Variants in FAM117B observed in about 807,000 individuals in gnomAD.
FAM117B encodes protein FAM117B.
A neutral mutation model predicts 52.8 loss-of-function variants in FAM117B; 22 were observed. The observed-to-expected ratio is 0.42, with a 90% CI of 0.30 to 0.59. The LOEUF (loss-of-function observed/expected upper bound fraction) is 0.59, where lower values mean the gene tolerates loss of function less well. Among genes scored for constraint, FAM117B ranks in the 20% least tolerant of loss-of-function variants. The probability of loss-of-function intolerance (pLI) is 0.22; values close to 1 mark genes in which losing one functional copy is unlikely to be tolerated. For synonymous variants in FAM117B, 309 were observed against 324.1 expected (o/e 0.95, Z 0.50); for missense variants, 678 against 802.6 (o/e 0.84, Z 1.88).
intron 7 of FAM117B, 131 bp downstream of exon 7, chr2:202,759,484 T>G (rs1691850678): frequency 1.7e-6 from 2 of 1,170,158 alleles, no homozygotes; most frequent in Admixed American, 3.0e-5. Context: ...CTCTACCTCC[T>G]TAGCTCAAGT....
At chr2:202,748,164 A>G (rs1047307029) in intron 4 of FAM117B, among the ~76,000 whole-genome samples, 1 of 152,204 alleles carries the variant, frequency 6.6e-6, no homozygotes, top group Admixed American at 6.5e-5. Flanking sequence ...TTTTCACAGA[A>G]GTGCTAAGAA....
intron 2 of FAM117B, among the ~76,000 whole-genome samples, chr2:202,722,487 A>G (rs1338747504): frequency 1.3e-5 from 2 of 152,234 alleles, no homozygotes; most frequent in Admixed American, 6.5e-5. Context: ...ACTACTGTGC[A>G]GCCATAAAAA....
At chr2:202,706,582 C>T (rs895327313) in intron 2 of FAM117B, among the ~76,000 whole-genome samples, 2 of 152,130 alleles carry the variant, frequency 1.3e-5, no homozygotes, top group African/African-American at 4.8e-5. Flanking sequence ...TATAAATCTA[C>T]AAACTTGTTT....
intron 1 of FAM117B, among the ~76,000 whole-genome samples, chr2:202,684,017 C>G (rs1443908662): frequency 6.6e-6 from 1 of 152,096 alleles, no homozygotes; most frequent in Non-Finnish European, 1.5e-5. Context: ...CAGGCACACG[C>G]TACCACACCT....
intron 4 of FAM117B, among the ~76,000 whole-genome samples, chr2:202,735,373 T>C (rs1691423496): frequency 6.6e-6 from 1 of 152,192 alleles, no homozygotes; most frequent in Non-Finnish European, 1.5e-5. Context: ...ATTAATCTCT[T>C]AACATTGAAG....
intron 1 of FAM117B, among the ~76,000 whole-genome samples, chr2:202,640,482 A>G (rs999197783): frequency 2.0e-5 from 3 of 151,404 alleles, no homozygotes; most frequent in African/African-American, 7.3e-5. Context: ...CAGAATCAAG[A>G]AGCAAGATAA....
At chr2:202,679,861 GA>G (rs1167903331) in intron 1 of FAM117B, among the ~76,000 whole-genome samples, 1 of 152,030 alleles carries the variant, frequency 6.6e-6, no homozygotes, top group Non-Finnish European at 1.5e-5. Context: ...AAACTATAAT[GA>G]GAAAACTAAA....
At chr2:202,740,264 G>T (rs1257016423) in intron 4 of FAM117B, among the ~76,000 whole-genome samples, 2 of 145,988 alleles carry the variant, frequency 1.4e-5, no homozygotes, top group African/African-American at 5.1e-5. Context: ...GGAGGGTGAG[G>T]CATGAGAATC....
intron 1 of FAM117B, among the ~76,000 whole-genome samples, chr2:202,690,725 A>T (rs1690608092): frequency 6.6e-6 from 1 of 152,082 alleles, no homozygotes; most frequent in Non-Finnish European, 1.5e-5. Context: ...GTGCAGGCAA[A>T]AAAGTGAGGC....
At position 202,672,258 on chromosome 2, in the gene FAM117B, G is replaced by A. The variant is rs111372869; in HGVS notation, c.602-23623G>A. 4.6e-3 allele frequency among the ~76,000 whole-genome samples: 707 copies of A among 152,270 alleles called. 6 individuals are homozygous for A. The highest frequency in any genetic ancestry group is 0.016 in the African/African-American group (682 of 41,546). ...GAAGGAGTCTTGCTCTGTCGCCCAG[G>A]CTGGAGTGCAGTGGCACGATCCCGG... On this transcript the variant is annotated intron_variant, in intron 1 of 7. Transcript: ENST00000392238.
chr2:202,730,529 G>T (rs1691324774), intron 4 of FAM117B, among the ~76,000 whole-genome samples: 2 of 152,082 alleles, frequency 1.3e-5, no homozygotes, highest in African/African-American at 4.8e-5. Context: ...AATAAGCTAG[G>T]CGTGGTGCCG....
At chr2:202,757,530 C>T in intron 6 of FAM117B, 92 bp downstream of exon 6, 2 of 1,276,360 alleles carry the variant, frequency 1.6e-6, no homozygotes, top group South Asian at 1.4e-5. Flanking sequence ...AACACACACA[C>T]TCGAGGCTAC....
chr2:202,768,522 A>C lies in FAM117B; in HGVS notation c.*2758A>C, dbSNP rs17807135. ...TCTAACTGCCAGTGCCAAAGGGCTAATTTTTAAGCATGTAAGCTTTACCAC... is the reference window on the plus strand; with the variant it reads ...TCTAACTGCCAGTGCCAAAGGGCTACTTTTTAAGCATGTAAGCTTTACCAC... On this transcript the variant is annotated 3_prime_UTR_variant, in exon 8 of 8. Transcript: ENST00000392238. The C allele has an allele frequency of 0.065, 9,911 of 152,682 alleles. 457 individuals are homozygous for C. Among genetic ancestry groups the C allele is most frequent in the Middle Eastern group, 0.16 (48 of 294 alleles). 9.5% of individuals were successfully genotyped at this position (152,682 alleles called of 1,614,324 possible). A position where few individuals can be genotyped will look rare whatever the true frequency, so the allele number is the denominator to read the frequency against.
chr2:202,766,079 CA>C lies in FAM117B; in HGVS notation c.*316del, dbSNP rs1691974367. The C allele has an allele frequency of 1.3e-5, 3 of 228,766 alleles. No homozygotes were observed. Among genetic ancestry groups the C allele is most frequent in the East Asian group, 1.0e-4 (1 of 9,752 alleles). The allele number at this position is 228,766 out of a possible 1,614,324, so 14.2% of individuals were successfully genotyped here. Reference sequence around the variant, plus strand: ...TCTTTAAAACACACACACACACACACACACACACACACACACACACACACAC... The same window carrying C: ...TCTTTAAAACACACACACACACACACCACACACACACACACACACACACAC... On this transcript the variant is annotated 3_prime_UTR_variant, in exon 8 of 8. Transcript: ENST00000392238.
intron 1 of FAM117B, among the ~76,000 whole-genome samples, chr2:202,677,536 A>G (rs1690398157): frequency 6.6e-6 from 1 of 152,150 alleles, no homozygotes; most frequent in Non-Finnish European, 1.5e-5. Flanking sequence ...ATTTCTCGCT[A>G]GGCTATGAAT....
intron 1 of FAM117B, among the ~76,000 whole-genome samples, chr2:202,642,808 A>G (rs1689791222): frequency 6.6e-6 from 1 of 152,232 alleles, no homozygotes; most frequent in African/African-American, 2.4e-5. Context: ...TAGGGTGGAT[A>G]AAATGATAGG....
chr2:202,709,064 C>T (rs1177537807), intron 2 of FAM117B, among the ~76,000 whole-genome samples: 1 of 152,184 alleles, frequency 6.6e-6, no homozygotes, highest in Non-Finnish European at 1.5e-5. Context: ...GATGATACTT[C>T]ATTGTAGTTC....
At chr2:202,661,039 C>T (rs1297437669) in intron 1 of FAM117B, among the ~76,000 whole-genome samples, 2 of 152,222 alleles carry the variant, frequency 1.3e-5, no homozygotes, top group East Asian at 1.9e-4. Flanking sequence ...CCTGCCCACT[C>T]CTACTGTGCA....
At chr2:202,636,670 G>T (rs993967228) in intron 1 of FAM117B, among the ~76,000 whole-genome samples, 2 of 152,210 alleles carry the variant, frequency 1.3e-5, no homozygotes, top group Non-Finnish European at 2.9e-5. Flanking sequence ...CTTAAGGAAA[G>T]AAATGGGTGG....
Sources: gnomAD v4.1 joint callset for allele counts (sites outside exome capture counted in the v4.1 genomes callset) on GRCh38, gnomAD v4.1.1 for gene constraint, MANE v1.5 for transcripts, NCBI Gene and HGNC (gene_info 2026-07-23, HGNC 2026-07-21) for gene names.